The following ARHGAP32 variants were observed in gnomAD, a reference collection of about 807,000 sequenced individuals.
ARHGAP32 encodes the protein Rho GTPase activating protein 32, also known as rho GTPase-activating protein 32.
A neutral mutation model predicts 186.5 loss-of-function variants in ARHGAP32; 51 were observed. The ratio of observed to expected loss-of-function variants is 0.27; its 90% confidence interval spans 0.22 to 0.35. The LOEUF (loss-of-function observed/expected upper bound fraction) is 0.35. Among genes scored for constraint, ARHGAP32 ranks in the 10% least tolerant of loss-of-function variants. The probability of loss-of-function intolerance (pLI) is 1.00; values close to 1 mark genes in which losing one functional copy is unlikely to be tolerated. For synonymous variants in ARHGAP32, 950 were observed against 964.3 expected (o/e 0.99, Z 0.27); for missense variants, 2,186 against 2,623.5 (o/e 0.83, Z 3.64).
rs201995379 is a variant in ARHGAP32, at chr11:129,003,968, G to GTT, written c.1046-5501_1046-5500insAA. Among the ~76,000 whole-genome samples, 110 of 151,766 alleles carry GTT rather than the reference G, an allele frequency of 7.2e-4. 3 individuals carry two copies. In the East Asian group the frequency reaches 0.021, roughly 28 times the overall value. ...TAATTCTTTAAAATACATTGCTAGGGTGTTTTTCTTGTTTCTCATGTAGGT... is the reference window on the plus strand; with the variant it reads ...TAATTCTTTAAAATACATTGCTAGGGTTTGTTTTTCTTGTTTCTCATGTAGGT... On this transcript the variant is annotated intron_variant, in intron 11 of 22. Transcript: ENST00000682385.
At chr11:129,134,833 T>C (rs1942899867) in intron 2 of ARHGAP32, among the ~76,000 whole-genome samples, 1 of 152,180 alleles carries the variant, frequency 6.6e-6, no homozygotes, top group African/African-American at 2.4e-5. Flanking sequence ...TCTTCCACCA[T>C]GTGAGAACAC....
At chr11:129,222,739 A>C (rs1944728269) in intron 1 of ARHGAP32, among the ~76,000 whole-genome samples, 1 of 152,132 alleles carries the variant, frequency 6.6e-6, no homozygotes, top group African/African-American at 2.4e-5. Flanking sequence ...TTTTCCTGTA[A>C]ATCTGTTCAT....
intron 2 of ARHGAP32, among the ~76,000 whole-genome samples, chr11:129,158,850 A>G (rs998909244): frequency 6.6e-6 from 1 of 151,958 alleles, no homozygotes; most frequent in Non-Finnish European, 1.5e-5. Context: ...AATGGAAATC[A>G]TAACAGTCTC....
intron 11 of ARHGAP32, among the ~76,000 whole-genome samples, chr11:129,031,591 G>A (rs1939115355): frequency 6.6e-6 from 1 of 152,206 alleles, no homozygotes; most frequent in African/African-American, 2.4e-5. Flanking sequence ...GTTAACAGGA[G>A]ATTACAATCT....
chr11:129,270,590 C>T (rs543472587), intron 1 of ARHGAP32, among the ~76,000 whole-genome samples: 1 of 151,260 alleles, frequency 6.6e-6, no homozygotes, highest in African/African-American at 2.4e-5. Flanking sequence ...TCAATGTAGG[C>T]TCATCAACTG....
chr11:129,083,838 T>A (rs1941299428), intron 6 of ARHGAP32, among the ~76,000 whole-genome samples: 1 of 151,734 alleles, frequency 6.6e-6, no homozygotes, highest in South Asian at 2.1e-4. Context: ...AGAGCAGAAA[T>A]CAACAAAACT....
At chr11:129,084,380 T>C (rs1286185540) in intron 6 of ARHGAP32, among the ~76,000 whole-genome samples, 1 of 150,852 alleles carries the variant, frequency 6.6e-6, no homozygotes, top group Non-Finnish European at 1.5e-5. Flanking sequence ...CAAATATCTC[T>C]CATGAACATA....
rs543444650 is a variant in ARHGAP32 at position 129,169,248 on chromosome 11, G to A, written c.117-4821C>T. Among the ~76,000 whole-genome samples, 493 of 152,130 alleles carry A rather than the reference G, an allele frequency of 3.2e-3. 1 individual carries two copies. Among genetic ancestry groups the A allele is most frequent in the African/African-American group, 0.011 (475 of 41,534 alleles). ...AGATTAATAAAATGAACAATCCCTA[G>A]AATAAGTCTGACCAATAAAAAAATG... On this transcript the variant is annotated intron_variant, in intron 1 of 22. Transcript: ENST00000682385.
chr11:129,182,401 T>A (rs1944074989), intron 1 of ARHGAP32, among the ~76,000 whole-genome samples: 3 of 152,142 alleles, frequency 2.0e-5, no homozygotes, highest in Non-Finnish European at 4.4e-5. Context: ...CCTTCATCTG[T>A]AATATGAGTT....
intron 5 of ARHGAP32, among the ~76,000 whole-genome samples, chr11:129,103,638 A>C (rs1434138213): frequency 6.6e-6 from 1 of 152,128 alleles, no homozygotes; most frequent in Non-Finnish European, 1.5e-5. Flanking sequence ...AAAACTTTCA[A>C]TCTATAAAGA....
chr11:129,023,414 A>G (rs1938689004), intron 11 of ARHGAP32, among the ~76,000 whole-genome samples: 1 of 152,224 alleles, frequency 6.6e-6, no homozygotes, highest in Non-Finnish European at 1.5e-5. Flanking sequence ...TAAGTGCATT[A>G]GCACTGCCCA....
chr11:129,102,313 C>T (rs1233409504), intron 5 of ARHGAP32, among the ~76,000 whole-genome samples: 1 of 152,170 alleles, frequency 6.6e-6, no homozygotes, highest in Admixed American at 6.5e-5. Context: ...AAATAACCAG[C>T]TAACATCATG....
At chr11:129,230,482 T>C (rs1944843335) in intron 1 of ARHGAP32, among the ~76,000 whole-genome samples, 1 of 152,134 alleles carries the variant, frequency 6.6e-6, no homozygotes, top group Non-Finnish European at 1.5e-5. Context: ...TTATATTCCA[T>C]AACATATTTA....
intron 6 of ARHGAP32, among the ~76,000 whole-genome samples, chr11:129,075,453 T>C (rs1941005883): frequency 6.6e-6 from 1 of 152,192 alleles, no homozygotes; most frequent in Non-Finnish European, 1.5e-5. Context: ...CAATCTTTAA[T>C]ATTTATGTGC....
rs578048711 is a variant in ARHGAP32 at position 128,984,493 on chromosome 11, G to A, written c.1526+1510C>T. On this transcript the variant is annotated intron_variant, in intron 15 of 22. Transcript: ENST00000682385. ...ATGAGAGAACATGATGGAAAATTAC[G>A]CTTTTCAAGAACATCTAAGGAATTC... Among the ~76,000 whole-genome samples, 22 of 152,176 alleles carry A rather than the reference G, an allele frequency of 1.4e-4. 1 individual carries two copies. In the East Asian group the frequency reaches 3.7e-3, roughly 25 times the overall value.
intron 1 of ARHGAP32, among the ~76,000 whole-genome samples, chr11:129,270,804 G>A (rs1027292957): frequency 4.6e-5 from 7 of 151,906 alleles, no homozygotes; most frequent in African/African-American, 1.7e-4. Context: ...CAGAAGATGA[G>A]AGCAGAGAAG....
In ARHGAP32 at chr11:128,970,079, C is replaced by T. The variant is rs770452537; in HGVS notation, c.5134G>A (p.Gly1712Arg). Residue 1712 changes from glycine (G) to arginine (R), a missense_variant, in exon 23 of 23, where the codon GGA (glycine) becomes AGA (arginine). This residue lies in a region of ARHGAP32 where 1,502 missense variants were observed against 1,570.0 expected (regional missense o/e 0.96). Coordinates refer to ENST00000682385, the MANE Select transcript of ARHGAP32 (RefSeq NM_001378024.1). This position sits in a 1 kb window ranked among gnomAD's most constrained non-coding sequence, Gnocchi z 5.8. ...CCAGCATAACTGTACAAGCTCTTTC[C>T]TTGCAGCCTAGGATTGTAGAAAGCA... is the stretch of plus-strand genomic sequence containing the variant. Reference protein sequence around the residue: ...DFAFYNPRLQGKSLYSYAGLA... With the variant: ...DFAFYNPRLQRKSLYSYAGLA... The T allele has an allele frequency of 1.2e-6, 2 of 1,614,148 alleles. No individual in the cohort carries two copies. The highest frequency in any genetic ancestry group is 2.2e-5 in the South Asian group (2 of 91,086).
At chr11:129,228,392 AT>A (rs529428591) in intron 1 of ARHGAP32, among the ~76,000 whole-genome samples, 21 of 152,320 alleles carry the variant, frequency 1.4e-4, no homozygotes, top group Admixed American at 1.3e-3. Context: ...ACAGAAAAAA[AT>A]AAGAGTAAAA....
At position 128,988,017 on chromosome 11, in the gene ARHGAP32, T is replaced by C. The variant is rs1341968622; in HGVS notation, c.1298+6A>G. ...AGGAGTGAAAAAGTGCCATATAAGA[T>C]TTTACCGTAGTCTCTGGATATTGGA... On this transcript the variant is annotated splice_donor_region_variant and intron_variant, in intron 13 of 22. Transcript: ENST00000682385. 1.2e-6 allele frequency: 2 copies of C among 1,605,208 alleles called. No individual in the cohort carries two copies. The highest frequency in any genetic ancestry group is 2.2e-5 in the South Asian group (2 of 90,618).
Sources: gnomAD v4.1 joint callset for allele counts (sites outside exome capture counted in the v4.1 genomes callset) on GRCh38, gnomAD v4.1.1 for gene constraint, gnomAD v4.1.1 regional missense constraint, Gnocchi (gnomAD v3.1) non-coding constraint, MANE v1.5 for transcripts, NCBI Gene and HGNC (gene_info 2026-07-23, HGNC 2026-07-21) for gene names.